Variants in GRID2 observed in about 807,000 individuals in gnomAD.
The protein encoded by GRID2 is glutamate ionotropic receptor delta type subunit 2, also known as glutamate receptor ionotropic, delta-2.
A neutral mutation model predicts 114.8 loss-of-function variants in GRID2; 33 were observed. The observed-to-expected ratio is 0.29, with a 90% CI of 0.22 to 0.38. The LOEUF (loss-of-function observed/expected upper bound fraction) is 0.38. GRID2 is among the 10% of genes least tolerant of loss of function. The pLI, the probability that GRID2 is intolerant of heterozygous loss-of-function variation, is 1.00. For synonymous variants in GRID2, 505 were observed against 449.9 expected (o/e 1.12, Z -1.55); for missense variants, 1,184 against 1,257.7 (o/e 0.94, Z 0.89).
chr4:92,460,055 C>CACATATATATATATATATATATATAT (rs1553937301), intron 1 of GRID2, among the ~76,000 whole-genome samples: 2 of 37,450 alleles, frequency 5.3e-5, no homozygotes, highest in African/African-American at 1.7e-4. Flanking sequence ...TATATATATA[C>CACATATATATATATATATATATATAT]ACACACAACT....
chr4:92,740,690 TGATAGATAGA>T (rs1192207106), intron 2 of GRID2, among the ~76,000 whole-genome samples: 1 of 121,224 alleles, frequency 8.2e-6, no homozygotes, highest in East Asian at 2.8e-4. Flanking sequence ...GATAGATAGA[TGATAGATAGA>T]TAGATAGATA....
intron 14 of GRID2, among the ~76,000 whole-genome samples, chr4:93,633,531 T>C (rs1384113695): frequency 6.6e-6 from 1 of 152,098 alleles, no homozygotes; most frequent in East Asian, 1.9e-4. Flanking sequence ...CATACATGAA[T>C]AAAAGATCTA....
intron 2 of GRID2, among the ~76,000 whole-genome samples, chr4:92,880,725 T>C (rs1236466219): frequency 6.6e-6 from 1 of 152,146 alleles, no homozygotes; most frequent in African/African-American, 2.4e-5. Context: ...AGATCTTTCT[T>C]CCTTTTTTAT....
chr4:92,769,187 C>T (rs1462401442), intron 2 of GRID2, among the ~76,000 whole-genome samples: 1 of 152,146 alleles, frequency 6.6e-6, no homozygotes, highest in East Asian at 1.9e-4. Flanking sequence ...GGCTACAGGC[C>T]CTGTGCAGTC....
chr4:92,601,683 A>T (rs937427029), intron 2 of GRID2, among the ~76,000 whole-genome samples: 7 of 152,278 alleles, frequency 4.6e-5, no homozygotes, highest in African/African-American at 1.7e-4. Flanking sequence ...AACCAAGATC[A>T]GAGAGGAACT....
At chr4:92,790,551 G>T (rs1009479701) in intron 2 of GRID2, among the ~76,000 whole-genome samples, 4 of 151,700 alleles carry the variant, frequency 2.6e-5, no homozygotes, top group South Asian at 4.2e-4. Flanking sequence ...AAGTAGTTGG[G>T]ACTACAGACA....
At chr4:92,641,087 T>C (rs1029645528) in intron 2 of GRID2, among the ~76,000 whole-genome samples, 2 of 151,782 alleles carry the variant, frequency 1.3e-5, no homozygotes, top group African/African-American at 4.8e-5. Context: ...TGTGCTCTTT[T>C]TTTCTGTGCC....
intron 2 of GRID2, among the ~76,000 whole-genome samples, chr4:93,017,867 A>T (rs1722909778): frequency 6.7e-6 from 1 of 148,906 alleles, no homozygotes; most frequent in Non-Finnish European, 1.5e-5. Context: ...GTGCACCAAG[A>T]CATAAGACAG....
rs558376545 is a variant in GRID2 at position 92,880,656 on chromosome 4, T to A, written c.245-204339T>A. Among the ~76,000 whole-genome samples the A allele has an allele frequency of 1.1e-4, 17 of 152,300 alleles. No homozygotes were observed. The East Asian group carries it at 3.3e-3, about 29-fold the overall frequency. On this transcript the variant is annotated intron_variant, in intron 2 of 15. Coordinates refer to ENST00000282020, the MANE Select transcript of GRID2 (RefSeq NM_001510.4). ...CTATATATTCTAGAGGGATAATAAA[T>A]ATGGCCTTTTCAAAAAAACAAAAAC...
intron 7 of GRID2, among the ~76,000 whole-genome samples, chr4:93,229,277 G>C (rs1392903700): frequency 6.6e-6 from 1 of 152,150 alleles, no homozygotes; most frequent in Non-Finnish European, 1.5e-5. Flanking sequence ...TACTCACATA[G>C]AGACTCCCAA....
At chr4:93,382,252 G>A (rs1053045647) in intron 8 of GRID2, among the ~76,000 whole-genome samples, 1 of 151,952 alleles carries the variant, frequency 6.6e-6, no homozygotes, top group African/African-American at 2.4e-5. Context: ...AGTTTACTGA[G>A]CTTCTTAAAT....
intron 13 of GRID2, among the ~76,000 whole-genome samples, chr4:93,571,707 A>G (rs946622667): frequency 3.3e-5 from 5 of 152,182 alleles, no homozygotes; most frequent in Admixed American, 6.6e-5. Flanking sequence ...GTATATATAA[A>G]AGTAATGCTT....
chr4:93,705,250 G>A (rs1161547562), intron 14 of GRID2, among the ~76,000 whole-genome samples: 1 of 151,710 alleles, frequency 6.6e-6, no homozygotes, highest in Non-Finnish European at 1.5e-5. Context: ...TCATTTGTAT[G>A]TCTTATTTTG....
chr4:92,305,938 A>T (rs1725380168), intron 1 of GRID2, among the ~76,000 whole-genome samples: 1 of 152,164 alleles, frequency 6.6e-6, no homozygotes, highest in South Asian at 2.1e-4. Flanking sequence ...ATCTGTACGC[A>T]TGGCTTGGTG....
intron 13 of GRID2, among the ~76,000 whole-genome samples, chr4:93,620,386 G>A (rs1051516381): frequency 2.6e-5 from 4 of 152,152 alleles, no homozygotes; most frequent in Non-Finnish European, 5.9e-5. Flanking sequence ...AAAGATTCAT[G>A]TGAGAAAGAG....
chr4:93,586,287 C>T (rs1044611899), intron 13 of GRID2, among the ~76,000 whole-genome samples: 3 of 152,044 alleles, frequency 2.0e-5, no homozygotes, highest in African/African-American at 7.2e-5. Context: ...TATCTGGCCA[C>T]CAAATCTGGA....
At chr4:93,048,156 C>T (rs528575170) in intron 2 of GRID2, among the ~76,000 whole-genome samples, 2 of 152,116 alleles carry the variant, frequency 1.3e-5, no homozygotes, top group South Asian at 2.1e-4. Context: ...TAGTAAGTCA[C>T]GTGTGCCCCA....
intron 1 of GRID2, among the ~76,000 whole-genome samples, chr4:92,334,707 A>G (rs551627885): frequency 1.3e-5 from 2 of 152,248 alleles, no homozygotes; most frequent in South Asian, 4.1e-4. Context: ...ACCACTCAAC[A>G]CTACTACAAT....
At position 93,052,293 on chromosome 4, in the gene GRID2, G is replaced by A. The variant is rs532011650; in HGVS notation, c.245-32702G>A. On this transcript the variant is annotated intron_variant, in intron 2 of 15. Transcript: ENST00000282020. ...CACTATCTGCTTCATGGAGAGGGCA[G>A]CTGTTTGTAGCACACTTACGCAACT... 1.5e-3 allele frequency among the ~76,000 whole-genome samples: 225 copies of A among 152,078 alleles called. 1 individual carries two copies. Among genetic ancestry groups the A allele is most frequent in the African/African-American group, 5.3e-3 (222 of 41,542 alleles).
Sources: gnomAD v4.1 joint callset for allele counts (sites outside exome capture counted in the v4.1 genomes callset) on GRCh38, gnomAD v4.1.1 for gene constraint, MANE v1.5 for transcripts, NCBI Gene and HGNC (gene_info 2026-07-23, HGNC 2026-07-21) for gene names.